The following PUM1 variants were observed in gnomAD, a reference collection of about 807,000 sequenced individuals.
PUM1 encodes pumilio homolog 1.
Under a neutral mutation model 131.8 loss-of-function variants are expected in PUM1, and 13 were observed. The ratio of observed to expected loss-of-function variants is 0.10; its 90% CI spans 0.06 to 0.16. The LOEUF is 0.16. PUM1 is among the 10% of genes least tolerant of loss of function. The pLI, the probability that PUM1 is intolerant of heterozygous loss-of-function variation, is 1.00. For synonymous variants in PUM1, 509 were observed against 556.5 expected, an observed-to-expected ratio of 0.91 and a Z score of 1.20; for missense variants, 961 against 1,512.4, an observed-to-expected ratio of 0.64 and a Z score of 6.05.
At chr1:30,954,080 G>T in intron 14 of PUM1, 99 bp from the exon 15 acceptor site, 1 of 1,267,746 alleles carries the variant, frequency 7.9e-7, no homozygotes, top group Non-Finnish European at 1.1e-6. Flanking sequence ...CACCATTTCT[G>T]ATTTCTTCAA....
At position 31,001,970 on chromosome 1, in the gene PUM1, G is replaced by A. The variant is rs1327472383; in HGVS notation, c.720+3883C>T. On this transcript the variant is annotated intron_variant, in intron 5 of 21. Transcript: ENST00000426105. Reference sequence around the variant, plus strand: ...GCTCTCAGGTATGATCTGAGATTCTGCGTTTCTGATAAGCTCCCAGGTGAT... The same window carrying A: ...GCTCTCAGGTATGATCTGAGATTCTACGTTTCTGATAAGCTCCCAGGTGAT... Among the ~76,000 whole-genome samples, 5 of 152,316 alleles carry A rather than the reference G, an allele frequency of 3.3e-5. No individual in the cohort carries two copies. The East Asian group carries it at 9.6e-4, about 29-fold the overall frequency.
At chr1:31,033,158 TG>T (rs1311215496) in intron 2 of PUM1, among the ~76,000 whole-genome samples, 31 of 151,870 alleles carry the variant, frequency 2.0e-4, no homozygotes, top group African/African-American at 7.2e-4. Flanking sequence ...GAGACCATAT[TG>T]GTTATCGAGC....
In PUM1 at chr1:30,967,170, C is replaced by T. The variant is rs148740949; in HGVS notation, c.1786G>A (p.Ala596Thr). The T allele has an allele frequency of 1.5e-5, 24 of 1,614,112 alleles. No homozygotes were observed. Among genetic ancestry groups the T allele is most frequent in the Non-Finnish European group, 1.9e-5 (23 of 1,179,992 alleles). Residue 596 changes from alanine (A) to threonine (T), a missense_variant, in exon 12 of 22, where the codon GCA becomes ACA. Ala to Thr is a moderately conservative substitution (Grantham distance 58, BLOSUM62 0). Around this residue, in one of 4 missense-constraint regions of PUM1, gnomAD observed 654 missense variants for 923.9 expected, o/e 0.71. Coordinates refer to ENST00000426105, the MANE Select transcript of PUM1 (RefSeq NM_001020658.2). ...GTCCACTCAGATGTGCGCTCACCTGCTTGTGCAGCTGAGGAACTAATGATG... is the reference window on the plus strand; with the variant it reads ...GTCCACTCAGATGTGCGCTCACCTGTTTGTGCAGCTGAGGAACTAATGATG... ...PVIISSSAAQAAVAAAAASAN... is the reference protein window; with the variant it reads ...PVIISSSAAQTAVAAAAASAN...
chr1:30,935,180 T>C (rs757697861), intron 21 of PUM1, among the ~76,000 whole-genome samples: 1 of 152,196 alleles, frequency 6.6e-6, no homozygotes, highest in Non-Finnish European at 1.5e-5. Context: ...ATTTGAAATA[T>C]ACGTGTGATT....
intron 7 of PUM1, among the ~76,000 whole-genome samples, chr1:30,986,814 A>C (rs1641579331): frequency 6.6e-6 from 1 of 152,218 alleles, no homozygotes; most frequent in African/African-American, 2.4e-5. Context: ...TAGAATAATC[A>C]TTTGTAAGTT....
At chr1:30,977,346 G>C (rs539170400) in intron 9 of PUM1, among the ~76,000 whole-genome samples, 28 of 152,228 alleles carry the variant, frequency 1.8e-4, no homozygotes, top group African/African-American at 5.5e-4. Flanking sequence ...GAGTACAGCC[G>C]TATCTACCTT....
chr1:30,965,663 A>T (rs1445586832), intron 13 of PUM1, among the ~76,000 whole-genome samples: 1 of 152,222 alleles, frequency 6.6e-6, no homozygotes, highest in Non-Finnish European at 1.5e-5. Flanking sequence ...ATCTTTAGTA[A>T]GTCCTCCTCC....
chr1:30,996,258 G>C (rs890401299), intron 5 of PUM1, among the ~76,000 whole-genome samples: 6 of 152,180 alleles, frequency 3.9e-5, no homozygotes, highest in African/African-American at 1.4e-4. Context: ...CATGGACCAA[G>C]TTCAAGTTCC....
At position 31,041,159 on chromosome 1, in the gene PUM1, G is replaced by A. The variant is rs573113234; in HGVS notation, c.364-12295C>T. On this transcript the variant is annotated intron_variant, in intron 2 of 21. Coordinates refer to ENST00000426105, the MANE Select transcript of PUM1 (RefSeq NM_001020658.2). Reference sequence around the variant, plus strand: ...ACCACAGAAACAGAATACAGTACAGGAATTGAAGGAAATAATTAAATTCAA... The same window carrying A: ...ACCACAGAAACAGAATACAGTACAGAAATTGAAGGAAATAATTAAATTCAA... Among the ~76,000 whole-genome samples the A allele has an allele frequency of 1.5e-4, 23 of 152,204 alleles. No homozygotes were observed. In the South Asian group the frequency reaches 4.1e-3, roughly 27 times the overall value.
At chr1:31,030,150 G>A (rs1341076761) in intron 2 of PUM1, among the ~76,000 whole-genome samples, 1 of 151,746 alleles carries the variant, frequency 6.6e-6, no homozygotes, top group African/African-American at 2.4e-5. Context: ...CAGAGGTTGC[G>A]GTGAGCCAAG....
At chr1:31,038,036 G>A (rs1439841553) in intron 2 of PUM1, among the ~76,000 whole-genome samples, 1 of 146,246 alleles carries the variant, frequency 6.8e-6, no homozygotes, top group Admixed American at 6.9e-5. Context: ...CCGAGATTTC[G>A]CCACTGCACT....
intron 7 of PUM1, among the ~76,000 whole-genome samples, chr1:30,985,779 T>C (rs1296693793): frequency 6.6e-6 from 1 of 152,152 alleles, no homozygotes; most frequent in Non-Finnish European, 1.5e-5. Context: ...CTTTCTGCAT[T>C]ATACTACTTT....
At chr1:31,014,284 G>T (rs1173682620) in intron 3 of PUM1, among the ~76,000 whole-genome samples, 1 of 121,154 alleles carries the variant, frequency 8.3e-6, no homozygotes, top group Non-Finnish European at 1.6e-5. Context: ...CTGGGCAACA[G>T]AGCAAGATCC....
intron 2 of PUM1, among the ~76,000 whole-genome samples, chr1:31,046,471 C>G (rs1319866960): frequency 6.6e-6 from 1 of 150,460 alleles, no homozygotes; most frequent in Non-Finnish European, 1.5e-5. Flanking sequence ...AGTCTAATAA[C>G]TGCAGCGGGG....
chr1:31,046,030 C>T (rs930441295), intron 2 of PUM1, among the ~76,000 whole-genome samples: 4 of 151,640 alleles, frequency 2.6e-5, no homozygotes, highest in Non-Finnish European at 1.5e-5. Flanking sequence ...TGCAGTGAGC[C>T]GAGATCGTGC....
At chr1:31,026,165 A>G (rs1643212987) in intron 3 of PUM1, among the ~76,000 whole-genome samples, 1 of 151,902 alleles carries the variant, frequency 6.6e-6, no homozygotes, top group African/African-American at 2.4e-5. Context: ...CTAAGGCAGG[A>G]GAACTGCTTG....
At chr1:31,013,274 C>T (rs768338657) in intron 3 of PUM1, among the ~76,000 whole-genome samples, 1 of 152,088 alleles carries the variant, frequency 6.6e-6, no homozygotes, top group Non-Finnish European at 1.5e-5. Flanking sequence ...TTGACCATAC[C>T]GCCACTAATA....
chr1:30,982,238 C>T (rs545242409), intron 7 of PUM1: 2 of 152,172 alleles, frequency 1.3e-5, no homozygotes, highest in Non-Finnish European at 2.9e-5. Flanking sequence ...TACGTTAATA[C>T]AAAACCAGTC....
chr1:31,018,114 G>A (rs1642888541), intron 3 of PUM1, among the ~76,000 whole-genome samples: 1 of 152,136 alleles, frequency 6.6e-6, no homozygotes, highest in Non-Finnish European at 1.5e-5. Context: ...ACTTTGGGAG[G>A]CCGAGGTGGT....
Sources: allele counts gnomAD v4.1 joint callset (sites outside exome capture counted in the v4.1 genomes callset), GRCh38; gene constraint gnomAD v4.1.1; regional missense constraint gnomAD v4.1.1; transcripts MANE v1.5; gene names NCBI Gene and HGNC (gene_info 2026-07-23, HGNC 2026-07-21).